FER: variants seen among roughly 807,000 people sequenced by gnomAD.
The protein encoded by FER is FER tyrosine kinase, also known as tyrosine-protein kinase Fer.
FER carries 63 observed loss-of-function variants against 111.0 expected under a neutral mutation model. The observed-to-expected ratio is 0.57, with a 90% CI of 0.46 to 0.70. The LOEUF (loss-of-function observed/expected upper bound fraction) is 0.70. Among genes scored for constraint, FER ranks in the 30% least tolerant of loss-of-function variants. FER has a pLI of 0.00. For synonymous variants in FER, 327 were observed against 313.9 expected, an observed-to-expected ratio of 1.04 and a Z score of -0.44; for missense variants, 914 against 954.0, an observed-to-expected ratio of 0.96 and a Z score of 0.55.
chr5:108,957,547 T>G (rs142359160), intron 12 of FER, among the ~76,000 whole-genome samples: 1 of 151,618 alleles, frequency 6.6e-6, no homozygotes, highest in African/African-American at 2.4e-5. Context: ...AGTATGGAGA[T>G]TTCTCAAAAA....
At chr5:109,058,526 A>T (rs1171427046) in intron 16 of FER, among the ~76,000 whole-genome samples, 1 of 151,822 alleles carries the variant, frequency 6.6e-6, no homozygotes, top group Non-Finnish European at 1.5e-5. Context: ...ATTTTTTTTT[A>T]AACTTTTTGG....
chr5:108,763,469 T>G (rs1458572633), intron 1 of FER, among the ~76,000 whole-genome samples: 1 of 152,144 alleles, frequency 6.6e-6, no homozygotes, highest in Non-Finnish European at 1.5e-5. Context: ...ACTCCAAGCT[T>G]GTATAGGGTG....
At chr5:108,949,740 G>T (rs1757470515) in intron 11 of FER, among the ~76,000 whole-genome samples, 1 of 152,078 alleles carries the variant, frequency 6.6e-6, no homozygotes, top group Non-Finnish European at 1.5e-5. Context: ...AGTTTTAGTT[G>T]CAATGTGTGA....
chr5:109,044,744 G>A lies in FER; in HGVS notation c.1778G>A (p.Cys593Tyr). 1 of 1,590,144 alleles carries A rather than the reference G, an allele frequency of 6.3e-7. No homozygotes were observed. Among genetic ancestry groups the A allele is most frequent in the Non-Finnish European group, 8.5e-7 (1 of 1,170,438 alleles). The change falls in exon 15 of 20, where the codon TGT becomes TAT. Residue 593 changes from cysteine (C) to tyrosine (Y), a missense_variant. By Grantham distance (194) the Cys-to-Tyr change is radical. Coordinates refer to ENST00000281092, the MANE Select transcript of FER (RefSeq NM_005246.4). ...AAAACTTCTGTTGCTGTTAAAACATGTAAAGAAGATCTTCCTCAGGAATTG... is the reference window on the plus strand; with the variant it reads ...AAAACTTCTGTTGCTGTTAAAACATATAAAGAAGATCTTCCTCAGGAATTG... ...KDKTSVAVKT[C>Y]KEDLPQELKI...
chr5:109,184,281 G>A (rs1758617397), intron 18 of FER, among the ~76,000 whole-genome samples: 1 of 152,138 alleles, frequency 6.6e-6, no homozygotes. Context: ...TTAGTGAGCA[G>A]GTTTCCCATG....
intron 11 of FER, among the ~76,000 whole-genome samples, chr5:108,947,913 G>T (rs1285292248): frequency 6.6e-6 from 1 of 151,572 alleles, no homozygotes; most frequent in Non-Finnish European, 1.5e-5. Context: ...TTTGAGATGA[G>T]GTTTCAATCT....
chr5:109,165,998 A>G (rs184477477), intron 17 of FER, among the ~76,000 whole-genome samples: 181 of 152,238 alleles, frequency 1.2e-3, no homozygotes, highest in Admixed American at 3.2e-3. Flanking sequence ...CCAGCAGTCT[A>G]TCAGGGTTGG....
At chr5:108,894,308 C>A in intron 9 of FER, 1 of 846,310 alleles carries the variant, frequency 1.2e-6, no homozygotes, top group Admixed American at 3.3e-5. Context: ...TTGGGGGTCA[C>A]CAATGAAAGA....
intron 16 of FER, among the ~76,000 whole-genome samples, chr5:109,057,766 T>C (rs72790599): frequency 0.16 from 25,093 of 152,204 alleles, 2,142 homozygotes; most frequent in South Asian, 0.21. Flanking sequence ...ACTCCAGGCC[T>C]AGATGGCTTT....
At chr5:108,805,658 A>G (rs1370253877) in intron 3 of FER, among the ~76,000 whole-genome samples, 8 of 152,194 alleles carry the variant, frequency 5.3e-5, no homozygotes. Context: ...ACCGGAGCAC[A>G]GGTGACTCTT....
At chr5:108,776,941 G>A (rs1226918840) in intron 2 of FER, among the ~76,000 whole-genome samples, 2 of 152,276 alleles carry the variant, frequency 1.3e-5, no homozygotes, top group Non-Finnish European at 2.9e-5. Context: ...ACACTTTTGT[G>A]TAATATTCTG....
At chr5:108,865,251 T>G (rs1290499111) in intron 5 of FER, among the ~76,000 whole-genome samples, 1 of 152,162 alleles carries the variant, frequency 6.6e-6, no homozygotes, top group Non-Finnish European at 1.5e-5. Flanking sequence ...AAGGAGATTT[T>G]GGGCTGAGAT....
At chr5:108,891,180 C>T (rs945800631) in intron 9 of FER, among the ~76,000 whole-genome samples, 1 of 152,036 alleles carries the variant, frequency 6.6e-6, no homozygotes, top group Non-Finnish European at 1.5e-5. Flanking sequence ...ATCCTGTTTT[C>T]GTGAAATACC....
chr5:109,170,238 A>T (rs1360402429), intron 17 of FER, among the ~76,000 whole-genome samples: 3 of 152,162 alleles, frequency 2.0e-5, no homozygotes, highest in Non-Finnish European at 2.9e-5. Flanking sequence ...TAGTCCTCCC[A>T]ATATATTCTT....
intron 16 of FER, among the ~76,000 whole-genome samples, chr5:109,062,762 T>A (rs141310428): frequency 4.5e-4 from 68 of 152,282 alleles, no homozygotes; most frequent in African/African-American, 1.5e-3. Context: ...ACTTTTTCTT[T>A]CCCTAGGGAT....
rs764929692 is a variant in FER at position 108,872,042 on chromosome 5, A to G, written c.804-51A>G. 4 of 1,556,638 alleles carry G rather than the reference A, an allele frequency of 2.6e-6. No homozygotes were observed. The Admixed American group carries it at 6.0e-5, about 23-fold the overall frequency. Reference sequence around the variant, plus strand: ...CTGCCTTTAGTGTATATGAAGATATATTATGATACTGTATTTACAATGATC... The same window carrying G: ...CTGCCTTTAGTGTATATGAAGATATGTTATGATACTGTATTTACAATGATC... On this transcript the variant is annotated intron_variant, in intron 7 of 19. Coordinates refer to ENST00000281092, the MANE Select transcript of FER (RefSeq NM_005246.4).
chr5:108,964,635 A>T (rs1224936829), intron 13 of FER, among the ~76,000 whole-genome samples: 1 of 152,234 alleles, frequency 6.6e-6, no homozygotes, highest in Non-Finnish European at 1.5e-5. Context: ...AATACATATC[A>T]TCTTAAAAGG....
At chr5:109,160,621 T>G (rs574555440) in intron 17 of FER, among the ~76,000 whole-genome samples, 1 of 152,290 alleles carries the variant, frequency 6.6e-6, no homozygotes, top group Admixed American at 6.5e-5. Context: ...GTCTAGATAC[T>G]GTTTTCATTA....
At chr5:109,051,812 A>G (rs1772872335) in intron 16 of FER, 2 of 1,597,776 alleles carry the variant, frequency 1.3e-6, no homozygotes, top group African/African-American at 2.7e-5. Context: ...GACACCAAGG[A>G]CACCACCAGC....
Sources: gnomAD v4.1 joint callset for allele counts (sites outside exome capture counted in the v4.1 genomes callset) on GRCh38, gnomAD v4.1.1 for gene constraint, MANE v1.5 for transcripts, NCBI Gene and HGNC (gene_info 2026-07-23, HGNC 2026-07-21) for gene names.